Variants in SCNN1D observed in about 807,000 individuals in gnomAD.
The protein encoded by SCNN1D is sodium channel epithelial 1 subunit delta, also known as epithelial sodium channel subunit delta.
Under a neutral mutation model 87.8 loss-of-function variants are expected in SCNN1D, and 104 were observed. The ratio of observed to expected loss-of-function variants is 1.18; its 90% CI spans 1.01 to 1.39. The LOEUF (loss-of-function observed/expected upper bound fraction) is 1.39. SCNN1D is among the 40% of genes most tolerant of loss of function. The pLI is 0.00. For missense variants in SCNN1D, 1,324 were observed against 1,093.9 expected, an observed-to-expected ratio of 1.21 and a Z score of -2.97; for synonymous variants, 628 against 481.2, an observed-to-expected ratio of 1.31 and a Z score of -3.99.
In SCNN1D at chr1:1,287,097, C is replaced by G. The variant is rs1378664909; in HGVS notation, c.1120-12C>G. On this transcript the variant is annotated splice_polypyrimidine_tract_variant and intron_variant, in intron 8 of 17. Transcript: ENST00000379116. ...TGTAGCCACAGAGCTGACCCTCCCT[C>G]CCCTCTCCCAGTGCAACAGCACGGG... 1.9e-6 allele frequency: 3 copies of G among 1,586,530 alleles called. No individual in the cohort carries two copies. The highest frequency in any genetic ancestry group is 1.1e-5 in the South Asian group (1 of 88,628).
chr1:1,280,735 A>G lies in SCNN1D; in HGVS notation c.5+69A>G, dbSNP rs532006168. On this transcript the variant is annotated intron_variant, in intron 1 of 17. Coordinates refer to ENST00000379116, the MANE Select transcript of SCNN1D (RefSeq NM_001130413.4). The stretch of plus-strand genomic sequence containing the variant: ...GGTTAACTTTGGAATGCCCATGGCT[A>G]AGACCAGGGGTCCATCCAGACAGTT... 2.4e-5 allele frequency: 17 copies of G among 696,254 alleles called. No homozygotes were observed. In the East Asian group the frequency reaches 3.8e-4, roughly 15 times the overall value. 43.1% of individuals were successfully genotyped at this position (696,254 alleles called of 1,614,324 possible). A position where few individuals can be genotyped will look rare whatever the true frequency, so the allele number is the denominator to read the frequency against.
chr1:1,281,596 A>C lies in SCNN1D; in HGVS notation c.263A>C (p.Gln88Pro). 2.0e-6 allele frequency: 3 copies of C among 1,535,544 alleles called. No individual in the cohort carries two copies. The highest frequency in any genetic ancestry group is 2.4e-5 in the South Asian group (2 of 84,060). The change falls in exon 3 of 18, where the codon CAG becomes CCG. Residue 88 changes from glutamine to proline, a missense_variant. Gln to Pro is a moderately conservative substitution (Grantham distance 76, BLOSUM62 -1). Coordinates refer to ENST00000379116, the MANE Select transcript of SCNN1D (RefSeq NM_001130413.4). ...CTCTGCCTACTCTCTGGCCCGATAC[A>C]GGGGTGTGGGACAGGTGACTGAACC... ...YPLCLLSGPI[Q>P]GCGTGLGDSS...
chr1:1,286,745 G>C, intron 7 of SCNN1D, 23 bp from the exon 8 acceptor site: 1 of 1,607,362 alleles, frequency 6.2e-7, no homozygotes, highest in Non-Finnish European at 8.5e-7. Flanking sequence ...CGGCAACTCT[G>C]ACTCCAGGGC....
chr1:1,282,645 G>A (rs1306763752), intron 4 of SCNN1D, among the ~76,000 whole-genome samples: 1 of 152,154 alleles, frequency 6.6e-6, no homozygotes, highest in African/African-American at 2.4e-5. Flanking sequence ...GCATGTGTGA[G>A]GTCTTAGCGT....
intron 7 of SCNN1D, 49 bp from the exon 8 acceptor site, chr1:1,286,719 G>T: frequency 6.4e-7 from 1 of 1,557,706 alleles, no homozygotes; most frequent in Non-Finnish European, 8.8e-7. Context: ...GCTGGGGCCA[G>T]TGTGAGGCCC....
rs374619845 is a variant in SCNN1D, at chr1:1,286,757, C to T, written c.912-11C>T. On this transcript the variant is annotated splice_polypyrimidine_tract_variant and intron_variant, in intron 7 of 17. Transcript: ENST00000379116. The stretch of plus-strand genomic sequence containing the variant: ...GGCCGGCAACTCTGACTCCAGGGCC[C>T]TGCGTCCCAGGCCGAGTCCGGTCCT... 13 of 1,611,376 alleles carry T rather than the reference C, an allele frequency of 8.1e-6. No homozygotes were observed. Among genetic ancestry groups the T allele is most frequent in the Non-Finnish European group, 1.0e-5 (12 of 1,179,248 alleles).
chr1:1,286,824 T>C lies in SCNN1D; in HGVS notation c.968T>C (p.Ile323Thr). ...ELLDEFARENIDSLYNVNLSK... is the reference protein window; with the variant it reads ...ELLDEFARENTDSLYNVNLSK... ...CTGGACGAGTTTGCCAGGGAGAACATTGACTCCCTGTACAACGTCAACCTC... is the reference window on the plus strand; with the variant it reads ...CTGGACGAGTTTGCCAGGGAGAACACTGACTCCCTGTACAACGTCAACCTC... The change falls in exon 8 of 18, where the codon ATT (isoleucine) becomes ACT (threonine). Residue 323 changes from isoleucine (I) to threonine (T), a missense_variant. Coordinates refer to ENST00000379116, the MANE Select transcript of SCNN1D (RefSeq NM_001130413.4). 2 of 1,612,636 alleles carry C rather than the reference T, an allele frequency of 1.2e-6. No individual in the cohort carries two copies.
chr1:1,287,234 C>T lies in SCNN1D; in HGVS notation c.1245C>T (p.Ser415=), dbSNP rs777337570. The T allele has an allele frequency of 3.1e-6, 5 of 1,611,156 alleles. No individual in the cohort carries two copies. The highest frequency in any genetic ancestry group is 4.2e-6 in the Non-Finnish European group (5 of 1,179,338). The stretch of plus-strand genomic sequence containing the variant: ...TGCTGCCCGCGGCATGGGAGGACAG[C>T]CACGGGAGCCAGGACGGCCACTTCG... ...LALLPAAWED[S]HGSQDGHFVL... The change falls in exon 9 of 18, where the codon AGC becomes AGT. Residue 415 remains serine, a synonymous_variant. Transcript: ENST00000379116.
Position 1,287,673 on chromosome 1 carries a change from G to C in SCNN1D, c.1400G>C (p.Gly467Ala). ...CTCACACCAGCCCTTGGCCTCCCAG[G>C]AGTCGGCCTGGTCCTCAGGGTTGAG... ...WTAQRPGITH[G>A]VGLVLRVEQQ... The change falls in exon 11 of 18, where the codon GGA becomes GCA. Residue 467 changes from glycine to alanine, a missense_variant and splice_region_variant. Physicochemically the swap from Gly to Ala is moderately conservative, Grantham distance 60 (BLOSUM62 0). Transcript: ENST00000379116. 6.2e-7 allele frequency: 1 copy of C among 1,611,872 alleles called. No homozygotes were observed. Among genetic ancestry groups the C allele is most frequent in the East Asian group, 2.2e-5 (1 of 44,844 alleles).
In SCNN1D at chr1:1,286,629, C is replaced by G. The variant is rs1023105216; in HGVS notation, c.912-139C>G. 3 of 832,180 alleles carry G rather than the reference C, an allele frequency of 3.6e-6. No homozygotes were observed. The Admixed American group carries it at 8.2e-5, about 23-fold the overall frequency. 51.5% of individuals were successfully genotyped at this position (832,180 alleles called of 1,614,324 possible). On this transcript the variant is annotated intron_variant, in intron 7 of 17. Coordinates refer to ENST00000379116, the MANE Select transcript of SCNN1D (RefSeq NM_001130413.4). ...CCTCACCGGCAGCCACGGCCTCCAA[C>G]TCCAGCTCTGGGTCCAGCTCACCCC...
In SCNN1D at chr1:1,286,678, G is replaced by T. The variant is rs373338307; in HGVS notation, c.912-90G>T. On this transcript the variant is annotated intron_variant, in intron 7 of 17. Coordinates refer to ENST00000379116, the MANE Select transcript of SCNN1D (RefSeq NM_001130413.4). ...CCACTGGGCGTCCCGAGTAGGGGAGGCACTGCTGTCCCGACAGCACACACT... is the reference window on the plus strand; with the variant it reads ...CCACTGGGCGTCCCGAGTAGGGGAGTCACTGCTGTCCCGACAGCACACACT... 12 of 1,238,126 alleles carry T rather than the reference G, an allele frequency of 9.7e-6. No homozygotes were observed. The Admixed American group carries it at 2.4e-4, about 25-fold the overall frequency. 76.7% of individuals were successfully genotyped at this position (1,238,126 alleles called of 1,614,324 possible). A position where few individuals can be genotyped will look rare whatever the true frequency, so the allele number is the denominator to read the frequency against.
chr1:1,285,529 C>T lies in SCNN1D; in HGVS notation c.465-42C>T, dbSNP rs184200715. ...GTCTTCCCCTGAGCCCCAGACCCCA[C>T]GCGGGGCGCATGGACACGCTACCGT... is the stretch of plus-strand genomic sequence containing the variant. On this transcript the variant is annotated intron_variant, in intron 5 of 17. Coordinates refer to ENST00000379116, the MANE Select transcript of SCNN1D (RefSeq NM_001130413.4). The T allele has an allele frequency of 6.0e-4, 795 of 1,327,960 alleles. 11 individuals carry two copies. In the South Asian group the frequency reaches 0.011, roughly 18 times the overall value. The allele number at this position is 1,327,960 out of a possible 1,614,324, so 82.3% of individuals were successfully genotyped here. A position where few individuals can be genotyped will look rare whatever the true frequency, so the allele number is the denominator to read the frequency against.
At chr1:1,281,009 G>C in intron 1 of SCNN1D, 3 of 595,056 alleles carry the variant, frequency 5.0e-6, no homozygotes, top group Non-Finnish European at 9.0e-6. Context: ...TCACCTGCCT[G>C]GGTGCAGGAC....
chr1:1,287,220 G>C lies in SCNN1D; in HGVS notation c.1231G>C (p.Ala411Pro), dbSNP rs1640613943. The C allele has an allele frequency of 2.5e-6, 4 of 1,611,848 alleles. No individual in the cohort carries two copies. The highest frequency in any genetic ancestry group is 1.3e-5 in the African/African-American group (1 of 75,048). Residue 411 changes from alanine (A) to proline (P), a missense_variant, in exon 9 of 18, where the codon GCA becomes CCA. By Grantham distance (27) the Ala-to-Pro change is conservative. Coordinates refer to ENST00000379116, the MANE Select transcript of SCNN1D (RefSeq NM_001130413.4). Reference sequence around the variant, plus strand: ...GGATATCCTGGCCCTGCTGCCCGCGGCATGGGAGGACAGCCACGGGAGCCA... The same window carrying C: ...GGATATCCTGGCCCTGCTGCCCGCGCCATGGGAGGACAGCCACGGGAGCCA... The part of the protein sequence containing the change: ...YVDILALLPA[A>P]WEDSHGSQDG...
chr1:1,287,487 G>C, intron 9 of SCNN1D, 21 bp from the exon 10 acceptor site: 1 of 1,517,862 alleles, frequency 6.6e-7, no homozygotes, highest in Non-Finnish European at 8.8e-7. Context: ...TTCAAGGTCT[G>C]AGCTTGGCTT....
chr1:1,288,376 TGCTCCGTCCCGTGTCC>T (rs1640676511), intron 12 of SCNN1D, among the ~76,000 whole-genome samples: 2 of 39,844 alleles, frequency 5.0e-5, no homozygotes, highest in Non-Finnish European at 7.6e-5. Flanking sequence ...CCCGTGTCCC[TGCTCCGTCCCGTGTCC>T]CTGCTCCGTC....
At position 1,291,653 on chromosome 1, in the gene SCNN1D, G is replaced by A; in HGVS notation, c.*43G>A. The stretch of plus-strand genomic sequence containing the variant: ...TGTGCGATCTCTTGGCCTGGTCCTT[G>A]CAGCTGTGGCAGCAGCAGGCTCCCC... On this transcript the variant is annotated 3_prime_UTR_variant, in exon 18 of 18. Coordinates refer to ENST00000379116, the MANE Select transcript of SCNN1D (RefSeq NM_001130413.4). 1 of 1,409,064 alleles carries A rather than the reference G, an allele frequency of 7.1e-7. No individual in the cohort carries two copies. The highest frequency in any genetic ancestry group is 9.5e-7 in the Non-Finnish European group (1 of 1,053,838). 87.3% of individuals were successfully genotyped at this position (1,409,064 alleles called of 1,614,324 possible). A position where few individuals can be genotyped will look rare whatever the true frequency, so the allele number is the denominator to read the frequency against.
At chr1:1,282,360 C>A in intron 4 of SCNN1D, 45 bp downstream of exon 4, 3 of 1,545,226 alleles carry the variant, frequency 1.9e-6, no homozygotes, top group Non-Finnish European at 2.6e-6. Flanking sequence ...TGCTGCTGGA[C>A]CCTGTGGGGC....
At chr1:1,288,225 G>T (rs1640657781) in intron 12 of SCNN1D, among the ~76,000 whole-genome samples, 188 bp downstream of exon 12, 1 of 143,622 alleles carries the variant, frequency 7.0e-6, no homozygotes, top group African/African-American at 2.6e-5. Flanking sequence ...TCCGTCCCGT[G>T]TCTCTGCTCC....
Sources: gnomAD v4.1 joint callset for allele counts (sites outside exome capture counted in the v4.1 genomes callset) on GRCh38, gnomAD v4.1.1 for gene constraint, MANE v1.5 for transcripts, NCBI Gene and HGNC (gene_info 2026-07-23, HGNC 2026-07-21) for gene names.